Variants in LAMA2 observed in about 807,000 individuals in gnomAD.
LAMA2 encodes laminin subunit alpha 2, also known as laminin subunit alpha-2.
Under a neutral mutation model 364.8 loss-of-function variants are expected in LAMA2, and 269 were observed. The observed-to-expected ratio is 0.74, with a 90% CI of 0.67 to 0.82. LAMA2 has a LOEUF of 0.82. Among genes scored for constraint, LAMA2 ranks in the 40% least tolerant of loss-of-function variants. The pLI is 0.00. For synonymous variants in LAMA2, 1,379 were observed against 1,370.6 expected (o/e 1.01, Z -0.14); for missense variants, 3,807 against 3,873.2 (o/e 0.98, Z 0.45).
Position 129,143,928 on chromosome 6 carries a change from C to A in LAMA2, c.667C>A (p.Pro223Thr), listed in dbSNP as rs773582066. The change falls in exon 5 of 65, where the codon CCA becomes ACA. Residue 223 changes from proline to threonine, a missense_variant. By Grantham distance (38) the Pro-to-Thr change is conservative. Around this residue, in one of 3 missense-constraint regions of LAMA2, gnomAD observed 394 missense variants for 403.5 expected, o/e 0.98. Coordinates refer to ENST00000421865, the MANE Select transcript of LAMA2 (RefSeq NM_000426.4). ...TCACATCTCTTTAATCAATGGGAGA[C>A]CAAGTGCCGATGATCCTTCTCCAGA... The part of the protein sequence containing the change: ...EIHISLINGR[P>T]SADDPSPELL... The A allele has an allele frequency of 1.5e-5, 24 of 1,607,774 alleles. No individual in the cohort carries two copies. Among genetic ancestry groups the A allele is most frequent in the Non-Finnish European group, 2.0e-5 (24 of 1,175,816 alleles).
intron 1 of LAMA2, chr6:128,929,028 A>G (rs563710447): frequency 4.1e-4 from 584 of 1,421,452 alleles, no homozygotes; most frequent in Non-Finnish European, 5.2e-4. Flanking sequence ...TATGCATTCA[A>G]GAAGCCAATG....
intron 51 of LAMA2, among the ~76,000 whole-genome samples, chr6:129,472,392 G>T (rs1316729987): frequency 6.6e-6 from 1 of 151,900 alleles, no homozygotes. Flanking sequence ...TAGATCTAAG[G>T]ACATGTGGTA....
intron 12 of LAMA2, among the ~76,000 whole-genome samples, chr6:129,200,065 C>T (rs544312027): frequency 2.0e-4 from 30 of 146,898 alleles, no homozygotes; most frequent in South Asian, 6.8e-4. Flanking sequence ...GGGCATAGAG[C>T]GAGACCCTCT....
At chr6:128,911,627 C>T (rs1032011951) in intron 1 of LAMA2, among the ~76,000 whole-genome samples, 3 of 152,100 alleles carry the variant, frequency 2.0e-5, no homozygotes, top group Non-Finnish European at 1.5e-5. Flanking sequence ...AGCTGTAGAC[C>T]GGAGCTGTTC....
intron 4 of LAMA2, among the ~76,000 whole-genome samples, chr6:129,103,840 T>A (rs1775665639): frequency 6.6e-6 from 1 of 152,258 alleles, no homozygotes; most frequent in South Asian, 2.1e-4. Flanking sequence ...GTGTATATAT[T>A]TTAGATAGAT....
At chr6:128,925,960 T>G (rs962776607) in intron 1 of LAMA2, among the ~76,000 whole-genome samples, 3 of 152,172 alleles carry the variant, frequency 2.0e-5, no homozygotes, top group Non-Finnish European at 1.5e-5. Context: ...TCTGCCACAT[T>G]CTTTGTGGTT....
chr6:129,090,379 C>T (rs1774743448), intron 3 of LAMA2, among the ~76,000 whole-genome samples: 1 of 152,140 alleles, frequency 6.6e-6, no homozygotes, highest in Admixed American at 6.5e-5. Context: ...AAACCATTGT[C>T]ACATCTAAAA....
intron 41 of LAMA2, among the ~76,000 whole-genome samples, chr6:129,429,034 A>C (rs572301668): frequency 6.6e-6 from 1 of 152,158 alleles, no homozygotes; most frequent in East Asian, 1.9e-4. Context: ...CCAAGCCTTC[A>C]TGTTTTCAGT....
intron 32 of LAMA2, among the ~76,000 whole-genome samples, chr6:129,355,001 C>T (rs1217901998): frequency 6.6e-6 from 1 of 152,126 alleles, no homozygotes; most frequent in East Asian, 1.9e-4. Context: ...TTATTCTTGC[C>T]CCACAAGGAA....
chr6:128,883,289 G>T lies in LAMA2; in HGVS notation c.44G>T (p.Gly15Val). 1.3e-6 allele frequency: 2 copies of T among 1,581,906 alleles called. No homozygotes were observed. The change falls in exon 1 of 65, where the codon GGA becomes GTA. Residue 15 changes from glycine (G) to valine (V), a missense_variant. By Grantham distance (109) the Gly-to-Val change is moderately radical. Coordinates refer to ENST00000421865, the MANE Select transcript of LAMA2 (RefSeq NM_000426.4). The stretch of plus-strand genomic sequence containing the variant: ...GTCCTCCTCCTTCTGCTGCTCTCCG[G>T]AGGCCTCGGGGGCGTACAGGCGCAG... Reference protein sequence around the residue: ...AGVLLLLLLSGGLGGVQAQRP... With the variant: ...AGVLLLLLLSVGLGGVQAQRP...
At chr6:128,958,739 G>T (rs766531596) in intron 1 of LAMA2, among the ~76,000 whole-genome samples, 3 of 152,006 alleles carry the variant, frequency 2.0e-5, no homozygotes, top group Non-Finnish European at 4.4e-5. Flanking sequence ...AATACCTTTC[G>T]AAGAGTCAAA....
chr6:129,195,597 T>C (rs1478575588), intron 12 of LAMA2, among the ~76,000 whole-genome samples: 1 of 152,178 alleles, frequency 6.6e-6, no homozygotes, highest in Non-Finnish European at 1.5e-5. Context: ...AGTGAATATT[T>C]GGCACAACTG....
intron 6 of LAMA2, among the ~76,000 whole-genome samples, chr6:129,147,897 G>A (rs984550385): frequency 5.3e-5 from 8 of 151,772 alleles, no homozygotes; most frequent in African/African-American, 1.9e-4. Context: ...CTTTCTGCCT[G>A]GTATGGGTGC....
At chr6:129,120,325 T>C (rs1776735728) in intron 4 of LAMA2, among the ~76,000 whole-genome samples, 2 of 152,188 alleles carry the variant, frequency 1.3e-5, no homozygotes, top group South Asian at 4.1e-4. Context: ...ATTTGTAAAA[T>C]TTTAAAGTTT....
At chr6:129,022,878 T>C (rs4895840) in intron 1 of LAMA2, among the ~76,000 whole-genome samples, 139,901 of 152,152 alleles carry the variant, frequency 0.92, 64,741 homozygotes, top group East Asian at 0.97. Flanking sequence ...TATTTAGTGT[T>C]TCCAGTTTAG....
Position 128,990,607 on chromosome 6 carries a change from C to T in LAMA2, c.113-59311C>T, listed in dbSNP as rs140314048. ...TGTAGTTAGGCGATTAAATATTTAC[C>T]AGCTTGCCTTAAGCCAAGTACATGT... On this transcript the variant is annotated intron_variant, in intron 1 of 64. Coordinates refer to ENST00000421865, the MANE Select transcript of LAMA2 (RefSeq NM_000426.4). 5.3e-3 allele frequency among the ~76,000 whole-genome samples: 805 copies of T among 152,214 alleles called. 8 individuals carry two copies. The highest frequency in any genetic ancestry group is 0.018 in the African/African-American group (767 of 41,524).
chr6:129,340,119 G>A (rs1249353246), intron 29 of LAMA2, among the ~76,000 whole-genome samples: 1 of 152,102 alleles, frequency 6.6e-6, no homozygotes, highest in Non-Finnish European at 1.5e-5. Context: ...TGTAAGTTTT[G>A]CTTTAGCAAC....
Position 129,154,427 on chromosome 6 carries a change from A to G in LAMA2, c.1028-78A>G, listed in dbSNP as rs565179511. The G allele has an allele frequency of 2.3e-6, 3 of 1,332,834 alleles. No individual in the cohort carries two copies. In the South Asian group the frequency reaches 3.7e-5, roughly 16 times the overall value. 82.6% of individuals were successfully genotyped at this position (1,332,834 alleles called of 1,614,324 possible). ...AGACTCTGTCTCAAAAAAAAAATCT[A>G]TTATGTATAACAGAAATGATTTTTA... On this transcript the variant is annotated intron_variant, in intron 7 of 64. Coordinates refer to ENST00000421865, the MANE Select transcript of LAMA2 (RefSeq NM_000426.4).
At chr6:128,933,294 T>A (rs1370927770) in intron 1 of LAMA2, among the ~76,000 whole-genome samples, 1 of 151,844 alleles carries the variant, frequency 6.6e-6, no homozygotes, top group Non-Finnish European at 1.5e-5. Flanking sequence ...GTGTATACTA[T>A]ATTTACTTTA....
Sources: allele counts gnomAD v4.1 joint callset (sites outside exome capture counted in the v4.1 genomes callset), GRCh38; gene constraint gnomAD v4.1.1; regional missense constraint gnomAD v4.1.1; transcripts MANE v1.5; gene names NCBI Gene and HGNC (gene_info 2026-07-23, HGNC 2026-07-21).